STARD9: variants seen among roughly 807,000 people sequenced by gnomAD.
STARD9 encodes stAR-related lipid transfer protein 9.
STARD9 carries 346 observed loss-of-function variants against 399.8 expected under a neutral mutation model. The ratio of observed to expected loss-of-function variants is 0.87; its 90% confidence interval spans 0.79 to 0.95. The LOEUF (loss-of-function observed/expected upper bound fraction) is 0.95. STARD9 is among the 40% of genes least tolerant of loss of function. The pLI, the probability that STARD9 is intolerant of heterozygous loss-of-function variation, is 0.00. For synonymous variants in STARD9, 2,203 were observed against 2,143.5 expected (o/e 1.03, Z -0.77); for missense variants, 5,832 against 5,667.5 (o/e 1.03, Z -0.93).
chr15:42,687,980 G>A lies in STARD9; in HGVS notation c.6402G>A (p.Glu2134=), dbSNP rs1215992050. ...GGGATAGTGAAGCTGGAGCGATGGAGGTTAACAGCATTGGGAACCATCCCC... is the reference window on the plus strand; with the variant it reads ...GGGATAGTGAAGCTGGAGCGATGGAAGTTAACAGCATTGGGAACCATCCCC... ...VFRDSEAGAM[E]VNSIGNHPQV... The change falls in exon 23 of 33, where the codon GAG becomes GAA. Residue 2134 remains glutamate (E), a synonymous_variant. Transcript: ENST00000290607. 1.3e-6 allele frequency: 2 copies of A among 1,537,502 alleles called. No homozygotes were observed.
chr15:42,662,982 C>G (rs958127122), intron 11 of STARD9, 91 bp downstream of exon 11: 1 of 1,012,462 alleles, frequency 9.9e-7, no homozygotes, highest in Admixed American at 2.1e-5. Flanking sequence ...CACAGGGTTC[C>G]TTTTGATAAG....
Position 42,687,529 on chromosome 15 carries a change from G to A in STARD9, c.5951G>A (p.Gly1984Asp). The change falls in exon 23 of 33, where the codon GGT becomes GAT. Residue 1984 changes from glycine (G) to aspartate (D), a missense_variant. By Grantham distance (94) the Gly-to-Asp change is moderately conservative (BLOSUM62 -1). Transcript: ENST00000290607. ...GKNETGLLEK[G>D]LRPKDSSEEF... ...AATGAAACTGGGCTTCTTGAAAAAG[G>A]TCTTCGTCCCAAAGATAGCTCAGAA... is the stretch of plus-strand genomic sequence containing the variant. 2.0e-6 allele frequency: 3 copies of A among 1,537,032 alleles called. No individual in the cohort carries two copies. The highest frequency in any genetic ancestry group is 2.4e-5 in the East Asian group (1 of 40,924).
chr15:42,695,129 A>G lies in STARD9; in HGVS notation c.12963-11A>G. The G allele has an allele frequency of 6.6e-7, 1 of 1,519,014 alleles. No individual in the cohort carries two copies. Among genetic ancestry groups the G allele is most frequent in the Non-Finnish European group, 8.8e-7 (1 of 1,134,602 alleles). The allele number at this position is 1,519,014 out of a possible 1,614,324, so 94.1% of individuals were successfully genotyped here. On this transcript the variant is annotated splice_polypyrimidine_tract_variant and intron_variant, in intron 24 of 32. Coordinates refer to ENST00000290607, the MANE Select transcript of STARD9 (RefSeq NM_020759.3). The stretch of plus-strand genomic sequence containing the variant: ...CCCACCATGTTCTTTCCACCCCGTG[A>G]TCTTCCTCAGGAGCCCAGAGTCAGT...
At position 42,685,560 on chromosome 15, in the gene STARD9, A is replaced by G. The variant is rs761665503; in HGVS notation, c.3982A>G (p.Arg1328Gly). ...CTCTCTCCAAGGCATGCAGCTTTCA[A>G]GAGAGAGCCCACTGATGTCCATGGA... The part of the protein sequence containing the change: ...ADSLQGMQLS[R>G]ESPLMSMDSW... The change falls in exon 23 of 33, where the codon AGA (arginine) becomes GGA (glycine). Residue 1328 changes from arginine (R) to glycine (G), a missense_variant. Arg to Gly is a moderately radical substitution (Grantham distance 125, BLOSUM62 -2). Coordinates refer to ENST00000290607, the MANE Select transcript of STARD9 (RefSeq NM_020759.3). 1.3e-6 allele frequency: 2 copies of G among 1,537,550 alleles called. No homozygotes were observed. Among genetic ancestry groups the G allele is most frequent in the African/African-American group, 2.7e-5 (2 of 73,016 alleles).
intron 3 of STARD9, among the ~76,000 whole-genome samples, chr15:42,600,695 T>C (rs1185077089): frequency 1.3e-5 from 2 of 151,852 alleles, no homozygotes; most frequent in Non-Finnish European, 2.9e-5. Context: ...CCAGCTAATT[T>C]TGTATTTTTA....
At chr15:42,712,096 T>TATAA (rs1566966126) in intron 26 of STARD9, among the ~76,000 whole-genome samples, 11 of 508 alleles carry the variant, frequency 0.022, 1 homozygote, top group East Asian at 0.056. Context: ...TATATATATA[T>TATAA]AATATATAAT....
At position 42,669,190 on chromosome 15, in the gene STARD9, G is replaced by T; in HGVS notation, c.1350G>T (p.Lys450Asn). Reference sequence around the variant, plus strand: ...AGCTGACTAAAGACTGGACCCAGAAGTGGAATGATTGGCAGGCCCTCATGG... The same window carrying T: ...AGCTGACTAAAGACTGGACCCAGAATTGGAATGATTGGCAGGCCCTCATGG... ...IDQLTKDWTQKWNDWQALMEH... is the reference protein window; with the variant it reads ...IDQLTKDWTQNWNDWQALMEH... Residue 450 changes from lysine (K) to asparagine (N), a missense_variant, in exon 16 of 33, where the codon AAG becomes AAT. Coordinates refer to ENST00000290607, the MANE Select transcript of STARD9 (RefSeq NM_020759.3). The T allele has an allele frequency of 6.5e-7, 1 of 1,536,174 alleles. No individual in the cohort carries two copies. The highest frequency in any genetic ancestry group is 8.7e-7 in the Non-Finnish European group (1 of 1,145,992).
In STARD9 at chr15:42,688,656, T is replaced by G; in HGVS notation, c.7078T>G (p.Cys2360Gly). 6.5e-7 allele frequency: 1 copy of G among 1,537,654 alleles called. No homozygotes were observed. Among genetic ancestry groups the G allele is most frequent in the Non-Finnish European group, 8.7e-7 (1 of 1,146,998 alleles). ...PVALGISSLDCVLDLTMLKIH... is the reference protein window; with the variant it reads ...PVALGISSLDGVLDLTMLKIH... ...TGCTCTAGGCATCTCTTCACTTGACTGTGTGCTGGATCTCACAATGTTGAA... is the reference window on the plus strand; with the variant it reads ...TGCTCTAGGCATCTCTTCACTTGACGGTGTGCTGGATCTCACAATGTTGAA... Residue 2360 changes from cysteine to glycine, a missense_variant, in exon 23 of 33, where the codon TGT (cysteine) becomes GGT (glycine). Physicochemically the swap from Cys to Gly is radical, Grantham distance 159. Around this residue, in one of 2 missense-constraint regions of STARD9, gnomAD observed 5,828 missense variants for 5,651.1 expected, o/e 1.03. Transcript: ENST00000290607.
chr15:42,692,862 G>C lies in STARD9; in HGVS notation c.11284G>C (p.Glu3762Gln). 2 of 1,537,244 alleles carry C rather than the reference G, an allele frequency of 1.3e-6. No homozygotes were observed. Among genetic ancestry groups the C allele is most frequent in the East Asian group, 4.9e-5 (2 of 40,910 alleles). ...AEPQGANVILEGLGSDTSTVS... is the reference protein window; with the variant it reads ...AEPQGANVILQGLGSDTSTVS... The stretch of plus-strand genomic sequence containing the variant: ...ACCTCAGGGAGCCAATGTGATCCTT[G>C]AAGGGCTAGGCTCAGATACCTCGAC... The change falls in exon 23 of 33, where the codon GAA (glutamate) becomes CAA (glutamine). Residue 3762 changes from glutamate (E) to glutamine (Q), a missense_variant. Glu to Gln is a conservative substitution (Grantham distance 29). Transcript: ENST00000290607.
In STARD9 at chr15:42,650,998, G is replaced by A. The variant is rs557360150; in HGVS notation, c.560-18G>A. ...AAATCTCATTTAATTTCTTTTTTCC[G>A]TTTCACAAATCCGATAGGTTTATCT... On this transcript the variant is annotated intron_variant, in intron 7 of 32. Coordinates refer to ENST00000290607, the MANE Select transcript of STARD9 (RefSeq NM_020759.3). The A allele has an allele frequency of 7.0e-5, 104 of 1,485,142 alleles. No individual in the cohort carries two copies. In the Admixed American group the frequency reaches 7.2e-4, roughly 10 times the overall value. The allele number at this position is 1,485,142 out of a possible 1,614,324, so 92.0% of individuals were successfully genotyped here.
chr15:42,581,278 G>T, intron 1 of STARD9: 1 of 977,890 alleles, frequency 1.0e-6, no homozygotes, highest in Non-Finnish European at 1.7e-6. Context: ...ATGGCAGGTG[G>T]GGTCTGAGCC....
rs77371649 is a variant in STARD9 at position 42,602,165 on chromosome 15, G to A, written c.234+16528G>A. 1.8e-3 allele frequency among the ~76,000 whole-genome samples: 277 copies of A among 152,310 alleles called. 2 individuals carry two copies. The highest frequency in any genetic ancestry group is 3.5e-3 in the Admixed American group (53 of 15,298). Reference sequence around the variant, plus strand: ...AGCCTAGAGCAAATTTTAATTTAGTGTTTGTTTCCTACACCAAAGGCAGGC... The same window carrying A: ...AGCCTAGAGCAAATTTTAATTTAGTATTTGTTTCCTACACCAAAGGCAGGC... On this transcript the variant is annotated intron_variant, in intron 3 of 32. Coordinates refer to ENST00000290607, the MANE Select transcript of STARD9 (RefSeq NM_020759.3).
chr15:42,659,599 T>C (rs978696613), intron 9 of STARD9, among the ~76,000 whole-genome samples: 1 of 152,228 alleles, frequency 6.6e-6, no homozygotes, highest in Non-Finnish European at 1.5e-5. Context: ...CGATCTTGGC[T>C]CACTGCAGCC....
At position 42,693,865 on chromosome 15, in the gene STARD9, C is replaced by T. The variant is rs1043149201; in HGVS notation, c.12287C>T (p.Thr4096Ile). The change falls in exon 23 of 33, where the codon ACT becomes ATT. Residue 4096 changes from threonine (T) to isoleucine (I), a missense_variant. Thr to Ile is a moderately conservative substitution (Grantham distance 89). Transcript: ENST00000290607. ...SPCPVSELTD[T>I]AGLRGSALGL... ...TGCCCTGTCTCTGAGTTGACTGATA[C>T]TGCAGGGCTCCGAGGTTCTGCCTTG... 2 of 1,535,850 alleles carry T rather than the reference C, an allele frequency of 1.3e-6. No individual in the cohort carries two copies. Among genetic ancestry groups the T allele is most frequent in the East Asian group, 2.4e-5 (1 of 40,906 alleles).
chr15:42,694,058 G>C lies in STARD9; in HGVS notation c.12480G>C (p.Glu4160Asp), dbSNP rs776706583. 1.3e-6 allele frequency: 2 copies of C among 1,536,600 alleles called. No individual in the cohort carries two copies. The highest frequency in any genetic ancestry group is 2.4e-5 in the South Asian group (2 of 83,936). ...CACCTGGGGGGTTGGACATGACTGA[G>C]GAGGAGCTGGGGGCCAGCGGTGATC... Reference protein sequence around the residue: ...KGSPGGLDMTEEELGASGDLS... With the variant: ...KGSPGGLDMTDEELGASGDLS... Residue 4160 changes from glutamate to aspartate, a missense_variant, in exon 23 of 33, where the codon GAG (glutamate) becomes GAC (aspartate). Coordinates refer to ENST00000290607, the MANE Select transcript of STARD9 (RefSeq NM_020759.3).
Position 42,638,713 on chromosome 15 carries a change from T to C in STARD9, c.460T>C (p.Tyr154His), listed in dbSNP as rs1468730996. ...CRIKVSFLEIYNERVRDLLKQ... is the reference protein window; with the variant it reads ...CRIKVSFLEIHNERVRDLLKQ... ...ACTTAACTCTAGTTTTCTAGAAATC[T>C]ATAATGAACGGGTGCGGGATCTGTT... The change falls in exon 7 of 33, where the codon TAT (tyrosine) becomes CAT (histidine). Residue 154 changes from tyrosine (Y) to histidine (H), a missense_variant. Around this residue, in one of 2 missense-constraint regions of STARD9, gnomAD observed 5,828 missense variants for 5,651.1 expected, o/e 1.03. Coordinates refer to ENST00000290607, the MANE Select transcript of STARD9 (RefSeq NM_020759.3). 1.3e-6 allele frequency: 2 copies of C among 1,534,308 alleles called. No individual in the cohort carries two copies. The highest frequency in any genetic ancestry group is 1.7e-6 in the Non-Finnish European group (2 of 1,145,566).
chr15:42,687,226 C>A lies in STARD9; in HGVS notation c.5648C>A (p.Ala1883Glu). ...TTAAATAAAAAACACAGTTTTCCAGCACTTGAGGGAGGAGAGGTCACTGCT... is the reference window on the plus strand; with the variant it reads ...TTAAATAAAAAACACAGTTTTCCAGAACTTGAGGGAGGAGAGGTCACTGCT... ...VILNKKHSFP[A>E]LEGGEVTAQS... The change falls in exon 23 of 33, where the codon GCA (alanine) becomes GAA (glutamate). Residue 1883 changes from alanine (A) to glutamate (E), a missense_variant. Ala to Glu is a moderately radical substitution (Grantham distance 107, BLOSUM62 -1). Transcript: ENST00000290607. 1 of 1,537,198 alleles carries A rather than the reference C, an allele frequency of 6.5e-7. No individual in the cohort carries two copies. Among genetic ancestry groups the A allele is most frequent in the Admixed American group, 2.0e-5 (1 of 50,998 alleles).
intron 3 of STARD9, among the ~76,000 whole-genome samples, chr15:42,611,555 G>T (rs1014066184): frequency 2.6e-5 from 4 of 152,162 alleles, no homozygotes; most frequent in African/African-American, 9.7e-5. Context: ...ACTAGATAAA[G>T]ACTCCCTCAA....
chr15:42,675,670 T>A lies in STARD9; in HGVS notation c.1694T>A (p.Val565Asp). 6.5e-7 allele frequency: 1 copy of A among 1,536,856 alleles called. No individual in the cohort carries two copies. The highest frequency in any genetic ancestry group is 8.7e-7 in the Non-Finnish European group (1 of 1,146,622). The change falls in exon 19 of 33, where the codon GTC becomes GAC. Residue 565 changes from valine (V) to aspartate (D), a missense_variant. By Grantham distance (152) the Val-to-Asp change is radical. Transcript: ENST00000290607. ...TASCRLTQGA[V>D]ITLGKAQKFR... ...ATTTGTCTCTGTGCTGCAGGAGCTG[T>A]CATAACCCTGGGGAAGGCACAGAAG...
Sources: allele counts gnomAD v4.1 joint callset (sites outside exome capture counted in the v4.1 genomes callset), GRCh38; gene constraint gnomAD v4.1.1; regional missense constraint gnomAD v4.1.1; transcripts MANE v1.5; gene names NCBI Gene and HGNC (gene_info 2026-07-23, HGNC 2026-07-21).